The following FUT8 variants were observed in gnomAD, a reference collection of about 807,000 sequenced individuals.
FUT8 encodes fucosyltransferase 8.
In FUT8, 29 loss-of-function variants were observed where a neutral mutation model predicts 71.3. The observed-to-expected ratio is 0.41, with a 90% confidence interval of 0.30 to 0.55. FUT8 has a LOEUF of 0.55. Among genes scored for constraint, FUT8 ranks in the 20% least tolerant of loss-of-function variants. The pLI is 0.34. For synonymous variants in FUT8, 254 were observed against 239.3 expected, an observed-to-expected ratio of 1.06 and a Z score of -0.57; for missense variants, 544 against 702.1, an observed-to-expected ratio of 0.77 and a Z score of 2.55.
At chr14:65,443,135 G>A (rs1164674280) in intron 1 of FUT8, among the ~76,000 whole-genome samples, 2 of 152,062 alleles carry the variant, frequency 1.3e-5, no homozygotes, top group African/African-American at 2.4e-5. Context: ...TTTGGGGTGG[G>A]TGTGGTGGCT....
intron 2 of FUT8, among the ~76,000 whole-genome samples, chr14:65,473,956 C>T (rs2066189047): frequency 6.6e-6 from 1 of 152,062 alleles, no homozygotes; most frequent in South Asian, 2.1e-4. Context: ...CCATGTAATA[C>T]CACTCAGCCA....
rs1164760415 is a variant in FUT8 at position 65,462,341 on chromosome 14, A to G, written c.-228+6623A>G. ...TACCATTTTGTTTTTCAACTTGAAT[A>G]GTGTATTTGGAAGAAGAGCATTCTT... is the stretch of plus-strand genomic sequence containing the variant. On this transcript the variant is annotated intron_variant, in intron 2 of 10. Coordinates refer to ENST00000673929, the MANE Select transcript of FUT8 (RefSeq NM_001371533.1). 3.9e-5 allele frequency among the ~76,000 whole-genome samples: 6 copies of G among 152,204 alleles called. No homozygotes were observed. The East Asian group carries it at 1.2e-3, about 29-fold the overall frequency.
At chr14:65,644,505 G>A (rs1041918786) in intron 6 of FUT8, among the ~76,000 whole-genome samples, 8 of 152,052 alleles carry the variant, frequency 5.3e-5, no homozygotes, top group South Asian at 2.1e-4. Context: ...TTCTGCAGGC[G>A]CCCATCACCA....
chr14:65,642,276 C>A (rs141724840), intron 6 of FUT8, among the ~76,000 whole-genome samples: 4 of 152,168 alleles, frequency 2.6e-5, no homozygotes, highest in Non-Finnish European at 5.9e-5. Context: ...AAGATTATGT[C>A]TTTCCTATTA....
intron 1 of FUT8, among the ~76,000 whole-genome samples, chr14:65,447,106 T>A (rs374749161): frequency 2.6e-5 from 4 of 152,132 alleles, no homozygotes; most frequent in Admixed American, 2.6e-4. Flanking sequence ...TTTTCCCTTC[T>A]GGGTGGTGAA....
At chr14:65,633,050 G>A (rs932270908) in intron 6 of FUT8, among the ~76,000 whole-genome samples, 1 of 116,210 alleles carries the variant, frequency 8.6e-6, no homozygotes, top group Non-Finnish European at 1.7e-5. Context: ...CTCTTTCCAC[G>A]GTCTCCCTCT....
intron 3 of FUT8, among the ~76,000 whole-genome samples, chr14:65,591,789 T>G (rs778660630): frequency 6.6e-6 from 1 of 152,008 alleles, no homozygotes; most frequent in Non-Finnish European, 1.5e-5. Context: ...TCTTAAAGTA[T>G]TGTGGCATGT....
rs1339163784 is a variant in FUT8, at chr14:65,650,727, AAAC to A, written c.598-18513_598-18511del. 1.2e-3 allele frequency among the ~76,000 whole-genome samples: 175 copies of A among 140,998 alleles called. No individual in the cohort carries two copies. In the East Asian group the frequency reaches 0.015, roughly 12 times the overall value. 92.5% of individuals were successfully genotyped at this position (140,998 alleles called of 152,430 possible). A position where few individuals can be genotyped will look rare whatever the true frequency, so the allele number is the denominator to read the frequency against. ...AATTACAAAAAAAAAAAAAAAAAAA[AAAC>A]AAAAAAAACCACAAACTTGTAATTT... On this transcript the variant is annotated intron_variant, in intron 6 of 10. Transcript: ENST00000673929.
At chr14:65,513,935 A>G (rs1218720031) in intron 2 of FUT8, among the ~76,000 whole-genome samples, 1 of 152,226 alleles carries the variant, frequency 6.6e-6, no homozygotes, top group Non-Finnish European at 1.5e-5. Context: ...ACAGTGAGTT[A>G]ACATATAAGT....
chr14:65,654,339 T>C (rs569652082), intron 6 of FUT8, among the ~76,000 whole-genome samples: 13 of 152,230 alleles, frequency 8.5e-5, no homozygotes, highest in African/African-American at 3.1e-4. Context: ...CTGTAATCCC[T>C]GCACTCTGGA....
At chr14:65,658,119 T>G (rs78487082) in intron 6 of FUT8, among the ~76,000 whole-genome samples, 1 of 152,088 alleles carries the variant, frequency 6.6e-6, no homozygotes, top group African/African-American at 2.4e-5. Context: ...ATCTCAATAG[T>G]AAGAAACAAT....
At position 65,724,320 on chromosome 14, in the gene FUT8, C is replaced by G. The variant is rs780372282; in HGVS notation, c.1256C>G (p.Thr419Arg). ...CCTTCTTTATTAAAGGAGGCAAAAACAAAGTAAGTTAGACCAACTAGTGAT... is the reference window on the plus strand; with the variant it reads ...CCTTCTTTATTAAAGGAGGCAAAAAGAAAGTAAGTTAGACCAACTAGTGAT... The part of the protein sequence containing the change: ...DDPSLLKEAK[T>R]KYPNYEFISD... The change falls in exon 9 of 11, where the codon ACA becomes AGA. Residue 419 changes from threonine (T) to arginine (R), a missense_variant. By Grantham distance (71) the Thr-to-Arg change is moderately conservative (BLOSUM62 -1). Transcript: ENST00000673929. The G allele has an allele frequency of 3.1e-6, 5 of 1,598,210 alleles. No individual in the cohort carries two copies. The highest frequency in any genetic ancestry group is 4.3e-6 in the Non-Finnish European group (5 of 1,172,200).
At chr14:65,722,058 T>C in intron 8 of FUT8, 37 bp downstream of exon 8, 1 of 1,607,734 alleles carries the variant, frequency 6.2e-7, no homozygotes, top group East Asian at 2.2e-5. Context: ...CTGTGATATG[T>C]AGTAGTTAGG....
intron 3 of FUT8, among the ~76,000 whole-genome samples, chr14:65,578,662 C>T (rs575656409): frequency 6.6e-6 from 1 of 152,070 alleles, no homozygotes; most frequent in South Asian, 2.1e-4. Context: ...AGATTGGACA[C>T]CCCTGATTTA....
At chr14:65,427,124 A>G (rs1397997328) in intron 1 of FUT8, among the ~76,000 whole-genome samples, 1 of 152,100 alleles carries the variant, frequency 6.6e-6, no homozygotes, top group South Asian at 2.1e-4. Context: ...GGCCTCCTGA[A>G]GTGCTGGGAT....
intron 6 of FUT8, among the ~76,000 whole-genome samples, chr14:65,631,395 GT>G (rs1890174462): frequency 6.6e-6 from 1 of 151,438 alleles, no homozygotes; most frequent in Non-Finnish European, 1.5e-5. Context: ...CTCTTGGTTT[GT>G]GGGTGGCCAA....
intron 7 of FUT8, among the ~76,000 whole-genome samples, chr14:65,711,206 A>G (rs1894799427): frequency 6.6e-6 from 1 of 152,252 alleles, no homozygotes; most frequent in South Asian, 2.1e-4. Context: ...AAATGAATGA[A>G]TAAAGAATAA....
chr14:65,659,304 G>A (rs1378764964), intron 6 of FUT8, among the ~76,000 whole-genome samples: 5 of 151,832 alleles, frequency 3.3e-5, no homozygotes, highest in Non-Finnish European at 2.9e-5. Flanking sequence ...ATGAGACAAA[G>A]ACTCCGTCTT....
chr14:65,556,716 A>T (rs1253827379), intron 2 of FUT8, among the ~76,000 whole-genome samples: 2 of 152,242 alleles, frequency 1.3e-5, no homozygotes, highest in African/African-American at 4.8e-5. Context: ...GCTGCCTACA[A>T]CAGCATGTGG....
Sources: allele counts gnomAD v4.1 joint callset (sites outside exome capture counted in the v4.1 genomes callset), GRCh38; gene constraint gnomAD v4.1.1; transcripts MANE v1.5; gene names NCBI Gene and HGNC (gene_info 2026-07-23, HGNC 2026-07-21).